Variants in PCDH15 observed in about 807,000 individuals in gnomAD.
The protein encoded by PCDH15 is protocadherin-15.
PCDH15 carries 129 observed loss-of-function variants against 178.5 expected under a neutral mutation model. The observed-to-expected ratio is 0.72, with a 90% CI of 0.63 to 0.84. The LOEUF is 0.84. PCDH15 is among the 40% of genes least tolerant of loss of function. The probability of loss-of-function intolerance (pLI) is 0.00; values close to 1 mark genes in which losing one functional copy is unlikely to be tolerated. For synonymous variants in PCDH15, 800 were observed against 732.0 expected, an observed-to-expected ratio of 1.09 and a Z score of -1.50; for missense variants, 2,230 against 2,099.9, an observed-to-expected ratio of 1.06 and a Z score of -1.21.
intron 2 of PCDH15, among the ~76,000 whole-genome samples, chr10:55,378,722 G>T (rs1042641790): frequency 1.3e-5 from 2 of 152,010 alleles, no homozygotes; most frequent in Admixed American, 1.3e-4. Context: ...AAAGAATTAT[G>T]ATCAATACAT....
intron 23 of PCDH15, among the ~76,000 whole-genome samples, chr10:53,945,615 G>T (rs926253567): frequency 5.3e-5 from 8 of 151,586 alleles, no homozygotes; most frequent in Admixed American, 1.3e-4. Flanking sequence ...ACTTTCATGA[G>T]TTCAGCTGTT....
chr10:54,300,980 G>A (rs184342298), intron 8 of PCDH15, among the ~76,000 whole-genome samples: 1 of 152,016 alleles, frequency 6.6e-6, no homozygotes, highest in Non-Finnish European at 1.5e-5. Context: ...TCACTCTTTG[G>A]GTCTGTACCA....
At chr10:54,523,581 T>A (rs995261528) in intron 3 of PCDH15, among the ~76,000 whole-genome samples, 7 of 152,200 alleles carry the variant, frequency 4.6e-5, no homozygotes, top group African/African-American at 1.7e-4. Context: ...TTGAATTACA[T>A]AAGTAATTCA....
At chr10:54,746,776 C>T (rs376128384) in intron 1 of PCDH15, among the ~76,000 whole-genome samples, 3 of 152,152 alleles carry the variant, frequency 2.0e-5, no homozygotes, top group Admixed American at 2.0e-4. Context: ...TTTATTACAG[C>T]GAAAGGCTAC....
chr10:55,583,383 G>A (rs1842661439), intron 2 of PCDH15, among the ~76,000 whole-genome samples: 1 of 152,040 alleles, frequency 6.6e-6, no homozygotes, highest in Admixed American at 6.6e-5. Context: ...AATGTTTCTT[G>A]TTTTGTGTAA....
At chr10:54,422,519 C>T (rs1021647173) in intron 3 of PCDH15, among the ~76,000 whole-genome samples, 16 of 152,076 alleles carry the variant, frequency 1.1e-4, no homozygotes, top group African/African-American at 3.6e-4. Flanking sequence ...TTCTCAACAT[C>T]GGCACTACGA....
At chr10:55,429,646 C>G (rs1356306383) in intron 2 of PCDH15, among the ~76,000 whole-genome samples, 1 of 152,144 alleles carries the variant, frequency 6.6e-6, no homozygotes, top group Non-Finnish European at 1.5e-5. Context: ...TTGCCTTTTA[C>G]TGATCAGAAG....
At chr10:54,586,219 A>G (rs2091455825) in intron 2 of PCDH15, among the ~76,000 whole-genome samples, 1 of 152,292 alleles carries the variant, frequency 6.6e-6, no homozygotes, top group East Asian at 1.9e-4. Context: ...ATAGATTTTG[A>G]CAGATTAAAA....
At chr10:54,602,855 G>T (rs2092598869) in intron 2 of PCDH15, among the ~76,000 whole-genome samples, 1 of 151,844 alleles carries the variant, frequency 6.6e-6, no homozygotes, top group Admixed American at 6.6e-5. Flanking sequence ...ATGTGTTGTT[G>T]CATTCAGTTT....
chr10:53,898,180 G>C (rs560090309), intron 26 of PCDH15, among the ~76,000 whole-genome samples: 1 of 151,580 alleles, frequency 6.6e-6, no homozygotes, highest in Non-Finnish European at 1.5e-5. Context: ...TGTTAGCCAG[G>C]ATGGTCTGGA....
chr10:54,642,339 T>C (rs1396744886), intron 2 of PCDH15, among the ~76,000 whole-genome samples: 1 of 152,172 alleles, frequency 6.6e-6, no homozygotes, highest in South Asian at 2.1e-4. Context: ...TAAAGTGTTA[T>C]GTTTATAGCA....
chr10:55,543,299 G>T (rs1841805088), intron 2 of PCDH15, among the ~76,000 whole-genome samples: 1 of 137,584 alleles, frequency 7.3e-6, no homozygotes, highest in South Asian at 2.2e-4. Flanking sequence ...AAATGACAGA[G>T]AAATCAAAGA....
At chr10:55,185,159 G>A (rs149565957) in intron 1 of PCDH15, among the ~76,000 whole-genome samples, 54 of 151,862 alleles carry the variant, frequency 3.6e-4, no homozygotes, top group African/African-American at 1.3e-3. Context: ...AATTGTATTT[G>A]GAATTTAATA....
chr10:54,499,586 A>G (rs569751252), intron 3 of PCDH15, among the ~76,000 whole-genome samples: 51 of 152,160 alleles, frequency 3.4e-4, no homozygotes, highest in Non-Finnish European at 6.9e-4. Context: ...AATAAACAAT[A>G]AAATTTAGGC....
chr10:53,843,342 A>G (rs1198018348), intron 28 of PCDH15, among the ~76,000 whole-genome samples: 6 of 152,032 alleles, frequency 3.9e-5, no homozygotes, highest in African/African-American at 1.4e-4. Flanking sequence ...ATCTATATCT[A>G]TATACTAAGT....
At chr10:55,493,297 T>C (rs1361293391) in intron 2 of PCDH15, among the ~76,000 whole-genome samples, 3 of 150,630 alleles carry the variant, frequency 2.0e-5, no homozygotes, top group Non-Finnish European at 4.4e-5. Context: ...CGCTCATGCC[T>C]GTAACCCCAA....
At chr10:54,490,708 C>T (rs571945145) in intron 3 of PCDH15, among the ~76,000 whole-genome samples, 5 of 151,958 alleles carry the variant, frequency 3.3e-5, no homozygotes, top group Non-Finnish European at 7.4e-5. Context: ...AAATCTTCAT[C>T]AAAAATATCA....
intron 14 of PCDH15, among the ~76,000 whole-genome samples, chr10:54,136,519 T>A (rs2042917731): frequency 6.6e-6 from 1 of 152,140 alleles, no homozygotes; most frequent in Admixed American, 6.5e-5. Flanking sequence ...GAATACTTTA[T>A]AAAGGTTTTA....
chr10:55,480,195 A>C (rs180727263), intron 2 of PCDH15, among the ~76,000 whole-genome samples: 3 of 151,542 alleles, frequency 2.0e-5, no homozygotes, highest in African/African-American at 7.2e-5. Flanking sequence ...TTGCAGTTCT[A>C]CTTGTAGAAC....
Sources: allele counts gnomAD v4.1 joint callset (sites outside exome capture counted in the v4.1 genomes callset), GRCh38; gene constraint gnomAD v4.1.1; transcripts MANE v1.5; gene names NCBI Gene and HGNC (gene_info 2026-07-23, HGNC 2026-07-21).